Variants in CADPS2 observed in about 807,000 individuals in gnomAD.
CADPS2 encodes the protein calcium dependent secretion activator 2.
Under a neutral mutation model 172.5 loss-of-function variants are expected in CADPS2, and 93 were observed. The ratio of observed to expected loss-of-function variants is 0.54; its 90% CI spans 0.46 to 0.64. The LOEUF (loss-of-function observed/expected upper bound fraction) is 0.64. CADPS2 is among the 30% of genes least tolerant of loss of function. The pLI, the probability that CADPS2 is intolerant of heterozygous loss-of-function variation, is 0.00. For synonymous variants in CADPS2, 546 were observed against 555.2 expected (o/e 0.98, Z 0.23); for missense variants, 1,420 against 1,565.9 (o/e 0.91, Z 1.57).
chr7:122,800,927 AT>A (rs1244394679), intron 1 of CADPS2, among the ~76,000 whole-genome samples: 1 of 148,590 alleles, frequency 6.7e-6, no homozygotes, highest in Non-Finnish European at 1.5e-5. Flanking sequence ...GGAGGTGGAG[AT>A]TTTTGGTGAG....
At chr7:122,323,893 A>T (rs58360879) in intron 29 of CADPS2, among the ~76,000 whole-genome samples, 2 of 15,960 alleles carry the variant, frequency 1.3e-4, no homozygotes, top group African/African-American at 9.9e-5. Flanking sequence ...ATATATATAT[A>T]TATATATATA....
intron 6 of CADPS2, among the ~76,000 whole-genome samples, chr7:122,596,377 C>T (rs1391558437): frequency 2.0e-5 from 3 of 152,046 alleles, no homozygotes; most frequent in Non-Finnish European, 2.9e-5. Context: ...AATAATGACA[C>T]TTTGTGTTAA....
intron 25 of CADPS2, among the ~76,000 whole-genome samples, chr7:122,363,970 C>T (rs16870811): frequency 0.14 from 21,049 of 152,042 alleles, 1,512 homozygotes; most frequent in Non-Finnish European, 0.15. Flanking sequence ...ACTGGGATTC[C>T]GCCTGTTTCA....
At chr7:122,399,656 G>GTTT (rs1563239204) in intron 20 of CADPS2, among the ~76,000 whole-genome samples, 8 of 94,544 alleles carry the variant, frequency 8.5e-5, no homozygotes, top group South Asian at 3.3e-4. Context: ...TCAAGGGTGG[G>GTTT]TTTCTTTTTT....
chr7:122,684,571 C>T (rs2083427484), intron 2 of CADPS2, among the ~76,000 whole-genome samples: 1 of 151,998 alleles, frequency 6.6e-6, no homozygotes, highest in Non-Finnish European at 1.5e-5. Context: ...ATAAGTCAAA[C>T]ACATGATTTT....
At chr7:122,832,303 T>TAA (rs573358039) in intron 1 of CADPS2, among the ~76,000 whole-genome samples, 6 of 131,460 alleles carry the variant, frequency 4.6e-5, no homozygotes, top group African/African-American at 5.6e-5. Context: ...AAAAAGTGTG[T>TAA]AAAAAAAAAA....
At chr7:122,347,469 T>C (rs2150998293) in intron 27 of CADPS2, among the ~76,000 whole-genome samples, 1 of 152,244 alleles carries the variant, frequency 6.6e-6, no homozygotes. Flanking sequence ...TTATATTTAG[T>C]CTAAAGGTAA....
chr7:122,608,648 TTCTTG>T (rs2073903215), intron 6 of CADPS2, among the ~76,000 whole-genome samples: 1 of 152,212 alleles, frequency 6.6e-6, no homozygotes, highest in Non-Finnish European at 1.5e-5. Flanking sequence ...TTCTTATTGC[TTCTTG>T]TCTTTTTATT....
intron 8 of CADPS2, among the ~76,000 whole-genome samples, chr7:122,525,960 T>C (rs1487251039): frequency 6.6e-6 from 1 of 152,148 alleles, no homozygotes; most frequent in Non-Finnish European, 1.5e-5. Context: ...ATCACTGTCA[T>C]ATATGCCATC....
At chr7:122,618,529 T>G (rs2075224553) in intron 5 of CADPS2, among the ~76,000 whole-genome samples, 1 of 152,066 alleles carries the variant, frequency 6.6e-6, no homozygotes, top group South Asian at 2.1e-4. Context: ...GGGAGCAATT[T>G]TAAAGAGAAG....
chr7:122,411,097 C>CTCCATCCA (rs938054060), intron 19 of CADPS2, among the ~76,000 whole-genome samples: 2 of 152,014 alleles, frequency 1.3e-5, no homozygotes, highest in African/African-American at 4.8e-5. Context: ...CTCTCTCTCT[C>CTCCATCCA]TCCATCCATC....
chr7:122,808,110 C>G (rs1799195708), intron 1 of CADPS2, among the ~76,000 whole-genome samples: 1 of 152,060 alleles, frequency 6.6e-6, no homozygotes, highest in South Asian at 2.1e-4. Flanking sequence ...TTATGGAAAG[C>G]AGTATTTCAG....
chr7:122,821,600 G>T (rs1051250699), intron 1 of CADPS2, among the ~76,000 whole-genome samples: 6 of 152,056 alleles, frequency 3.9e-5, no homozygotes, highest in African/African-American at 1.4e-4. Context: ...CATTTCTTCC[G>T]TTCTGTCAGA....
intron 2 of CADPS2, among the ~76,000 whole-genome samples, chr7:122,677,956 T>G (rs2082560847): frequency 6.6e-6 from 1 of 152,236 alleles, no homozygotes; most frequent in South Asian, 2.1e-4. Flanking sequence ...TTTCCCATGC[T>G]CTGTGTAGGT....
intron 1 of CADPS2, among the ~76,000 whole-genome samples, chr7:122,814,639 C>G (rs759931811): frequency 6.6e-6 from 1 of 152,120 alleles, no homozygotes; most frequent in Admixed American, 6.5e-5. Context: ...TGTACTACAA[C>G]AGCAGAGTTG....
chr7:122,480,007 G>C (rs189746495), intron 12 of CADPS2: 5 of 430,766 alleles, frequency 1.2e-5, no homozygotes, highest in African/African-American at 6.1e-5. Context: ...GAGAGACAGT[G>C]AAAACCAGGG....
At chr7:122,791,348 T>C (rs1795247784) in intron 1 of CADPS2, among the ~76,000 whole-genome samples, 1 of 152,142 alleles carries the variant, frequency 6.6e-6, no homozygotes, top group South Asian at 2.1e-4. Flanking sequence ...ACACACTTCT[T>C]AAACCTTGCT....
At chr7:122,720,470 ATATG>A (rs200230327) in intron 2 of CADPS2, among the ~76,000 whole-genome samples, 9,729 of 150,940 alleles carry the variant, frequency 0.064, 360 homozygotes, top group South Asian at 0.17. Flanking sequence ...ATATGTAGAT[ATATG>A]TATGTATGTA....
intron 24 of CADPS2, among the ~76,000 whole-genome samples, chr7:122,383,361 G>A (rs1275311551): frequency 6.6e-6 from 1 of 151,662 alleles, no homozygotes; most frequent in Non-Finnish European, 1.5e-5. Flanking sequence ...AGATGTGGAT[G>A]GAAAAACGAC....
Sources: gnomAD v4.1 joint callset for allele counts (sites outside exome capture counted in the v4.1 genomes callset) on GRCh38, gnomAD v4.1.1 for gene constraint, MANE v1.5 for transcripts, NCBI Gene and HGNC (gene_info 2026-07-23, HGNC 2026-07-21) for gene names.